Variants in CCDC34 observed in about 807,000 individuals in gnomAD.
CCDC34 encodes the protein coiled-coil domain-containing protein 34.
In CCDC34, 40 loss-of-function variants were observed where a neutral mutation model predicts 44.1. The observed-to-expected ratio is 0.91, with a 90% CI of 0.70 to 1.18. CCDC34 has a LOEUF of 1.18. Ranked by LOEUF, CCDC34 falls within the 50% of genes most tolerant of loss-of-function variation. CCDC34 has a pLI of 0.00. For missense variants in CCDC34, 466 were observed against 452.3 expected, an observed-to-expected ratio of 1.03 and a Z score of -0.28; for synonymous variants, 159 against 158.2, an observed-to-expected ratio of 1.01 and a Z score of -0.04.
intron 2 of CCDC34, 123 bp from the exon 3 acceptor site, chr11:27,350,562 C>T (rs1862493532): frequency 2.4e-6 from 2 of 840,614 alleles, no homozygotes; most frequent in Non-Finnish European, 3.6e-6. Context: ...GGAGCATATG[C>T]CACTAGTGGC....
chr11:27,346,366 G>C (rs1862433402), intron 3 of CCDC34, among the ~76,000 whole-genome samples: 1 of 149,818 alleles, frequency 6.7e-6, no homozygotes, highest in Non-Finnish European at 1.5e-5. Flanking sequence ...CTGCACTCCA[G>C]CCTGGTCAAC....
At chr11:27,345,994 G>A (rs1465074168) in intron 3 of CCDC34, among the ~76,000 whole-genome samples, 2 of 151,794 alleles carry the variant, frequency 1.3e-5, no homozygotes, top group East Asian at 1.9e-4. Context: ...GGTGTGAGAT[G>A]GTATCTCATT....
chr11:27,348,058 AC>A (rs1862457154), intron 3 of CCDC34, among the ~76,000 whole-genome samples: 1 of 151,882 alleles, frequency 6.6e-6, no homozygotes, highest in Admixed American at 6.6e-5. Context: ...ATTTTCTGGC[AC>A]GCTAGTTCTA....
chr11:27,344,658 A>G (rs1862409302), intron 3 of CCDC34, among the ~76,000 whole-genome samples: 2 of 152,002 alleles, frequency 1.3e-5, no homozygotes, highest in African/African-American at 2.4e-5. Context: ...GAAAACTAAA[A>G]AACACTGCTA....
rs768943068 is a variant in CCDC34 at position 27,357,511 on chromosome 11, T to C, written c.390A>G (p.Glu130=). 1.2e-6 allele frequency: 2 copies of C among 1,613,920 alleles called. No homozygotes were observed. Among genetic ancestry groups the C allele is most frequent in the African/African-American group, 2.7e-5 (2 of 74,918 alleles). The change falls in exon 2 of 6, where the codon GAA becomes GAG. Residue 130 remains glutamate, a synonymous_variant. Transcript: ENST00000328697. ...CTGGTAAGCGCACCTGTTTCTGTTC[T>C]TCTTGGTTATTTTCTGATTCAACCT... is the stretch of plus-strand genomic sequence containing the variant. ...STQVESENNQ[E]EQKQVRLPES...
At chr11:27,355,767 AAGAGG>A (rs1379962732) in intron 2 of CCDC34, among the ~76,000 whole-genome samples, 6 of 152,150 alleles carry the variant, frequency 3.9e-5, no homozygotes, top group African/African-American at 1.4e-4. Flanking sequence ...GTGTACTGTC[AAGAGG>A]AAATAAGTGC....
At chr11:27,341,907 T>C (rs1862365659) in intron 3 of CCDC34, among the ~76,000 whole-genome samples, 1 of 152,136 alleles carries the variant, frequency 6.6e-6, no homozygotes. Context: ...AACTGGATCA[T>C]AGGGGCAATT....
chr11:27,345,299 T>C (rs943443600), intron 3 of CCDC34, among the ~76,000 whole-genome samples: 22 of 152,166 alleles, frequency 1.4e-4, no homozygotes, highest in Non-Finnish European at 2.9e-4. Flanking sequence ...TTTATTATTA[T>C]TATATTTTAA....
intron 3 of CCDC34, among the ~76,000 whole-genome samples, chr11:27,342,139 G>C (rs1223838206): frequency 1.3e-5 from 2 of 151,734 alleles, no homozygotes; most frequent in Admixed American, 1.3e-4. Flanking sequence ...CCCAGTCTCA[G>C]GTATGTCTTT....
At chr11:27,347,771 A>G (rs893735319) in intron 3 of CCDC34, among the ~76,000 whole-genome samples, 1 of 151,762 alleles carries the variant, frequency 6.6e-6, no homozygotes, top group African/African-American at 2.4e-5. Context: ...GCAAAAGGAA[A>G]CTCTCTGGGG....
At chr11:27,350,777 AT>A (rs1862495750) in intron 2 of CCDC34, among the ~76,000 whole-genome samples, 1 of 152,206 alleles carries the variant, frequency 6.6e-6, no homozygotes, top group African/African-American at 2.4e-5. Flanking sequence ...GCTCAAGAGA[AT>A]TGCAACTTTT....
chr11:27,362,776 C>T lies in CCDC34; in HGVS notation c.359+60G>A, dbSNP rs911757289. 4 of 1,559,482 alleles carry T rather than the reference C, an allele frequency of 2.6e-6. No homozygotes were observed. The Admixed American group carries it at 7.2e-5, about 28-fold the overall frequency. On this transcript the variant is annotated intron_variant, in intron 1 of 5. Coordinates refer to ENST00000328697, the MANE Select transcript of CCDC34 (RefSeq NM_030771.2). ...GGCAGGAGGATGTTAGAAGGGGGTA[C>T]TTAAGAGGGTCTAAGGAATCTTGAA...
intron 1 of CCDC34, among the ~76,000 whole-genome samples, chr11:27,362,177 G>T (rs1313328641): frequency 6.6e-6 from 1 of 152,170 alleles, no homozygotes; most frequent in East Asian, 1.9e-4. Flanking sequence ...TCCCCAGTAC[G>T]TAGACTAATA....
chr11:27,360,352 G>A (rs16916901), intron 1 of CCDC34, among the ~76,000 whole-genome samples: 13,395 of 152,184 alleles, frequency 0.088, 957 homozygotes, highest in African/African-American at 0.2. Flanking sequence ...ACCCTTGAAG[G>A]TCAATGCATC....
chr11:27,357,256 T>G (rs1305368384), intron 2 of CCDC34, 147 bp downstream of exon 2: 1 of 642,940 alleles, frequency 1.6e-6, no homozygotes, highest in Non-Finnish European at 2.5e-6. Flanking sequence ...TTATTATAAC[T>G]TATTAGTTAT....
rs548732477 is a variant in CCDC34 at position 27,339,142 on chromosome 11, T to C, written c.908-107A>G. ...GTTAAAATGTCAAATGGACAAATTATCACTAATAAGCCAATGTGACTTATT... is the reference window on the plus strand; with the variant it reads ...GTTAAAATGTCAAATGGACAAATTACCACTAATAAGCCAATGTGACTTATT... On this transcript the variant is annotated intron_variant, in intron 5 of 5. Transcript: ENST00000328697. 484 of 764,026 alleles carry C rather than the reference T, an allele frequency of 6.3e-4. 4 individuals are homozygous for C. In the African/African-American group the frequency reaches 7.9e-3, roughly 12 times the overall value. The allele number at this position is 764,026 out of a possible 1,614,324, so 47.3% of individuals were successfully genotyped here. A position where few individuals can be genotyped will look rare whatever the true frequency, so the allele number is the denominator to read the frequency against.
At chr11:27,341,256 C>A (rs537164701) in intron 4 of CCDC34, 136 bp downstream of exon 4, 2 of 544,266 alleles carry the variant, frequency 3.7e-6, no homozygotes, top group South Asian at 4.2e-5. Context: ...TTAAACACAG[C>A]GTAACAGGAT....
chr11:27,346,137 GCTT>G (rs1267949619), intron 3 of CCDC34, among the ~76,000 whole-genome samples: 1 of 151,880 alleles, frequency 6.6e-6, no homozygotes, highest in Non-Finnish European at 1.5e-5. Flanking sequence ...ATTAATCAGT[GCTT>G]CTTCTTGTTA....
chr11:27,342,502 G>A (rs1453167490), intron 3 of CCDC34, among the ~76,000 whole-genome samples: 1 of 151,918 alleles, frequency 6.6e-6, no homozygotes, highest in African/African-American at 2.4e-5. Context: ...ATTAAACACT[G>A]TATGTAAGGG....
Sources: allele counts gnomAD v4.1 joint callset (sites outside exome capture counted in the v4.1 genomes callset), GRCh38; gene constraint gnomAD v4.1.1; transcripts MANE v1.5; gene names NCBI Gene and HGNC (gene_info 2026-07-23, HGNC 2026-07-21).